TNRC18: variants seen among roughly 807,000 people sequenced by gnomAD.
TNRC18 encodes trinucleotide repeat-containing gene 18 protein.
Under a neutral mutation model 226.7 loss-of-function variants are expected in TNRC18, and 69 were observed. The ratio of observed to expected loss-of-function variants is 0.30; its 90% CI spans 0.25 to 0.37. The LOEUF (loss-of-function observed/expected upper bound fraction) is 0.37, where lower values mean the gene tolerates loss of function less well. Among genes scored for constraint, TNRC18 ranks in the 10% least tolerant of loss-of-function variants. The pLI, the probability that TNRC18 is intolerant of heterozygous loss-of-function variation, is 1.00. For synonymous variants in TNRC18, 2,449 were observed against 1,927.6 expected (o/e 1.27, Z -7.09); for missense variants, 4,754 against 4,256.6 (o/e 1.12, Z -3.25).
At position 5,359,508 on chromosome 7, in the gene TNRC18, T is replaced by G. The variant is rs759694890; in HGVS notation, c.4723A>C (p.Arg1575=). Residue 1575 remains arginine, a synonymous_variant, in exon 15 of 30, where the codon AGA becomes CGA. Coordinates refer to ENST00000430969, the MANE Select transcript of TNRC18 (RefSeq NM_001080495.3). ...DYELGAGIRK[R]HKGSEEEHDA... ...TGTTCCTCCTCAGACCCCTTGTGTC[T>G]CTTTCTTATCCCTGCTCCCAGCTCA... 6.2e-7 allele frequency: 1 copy of G among 1,614,030 alleles called. No individual in the cohort carries two copies. Among genetic ancestry groups the G allele is most frequent in the East Asian group, 2.2e-5 (1 of 44,876 alleles).
At chr7:5,342,279 A>C (rs1389678285) in intron 18 of TNRC18, among the ~76,000 whole-genome samples, 1 of 152,000 alleles carries the variant, frequency 6.6e-6, no homozygotes, top group Non-Finnish European at 1.5e-5. Context: ...AAATACAAAA[A>C]TCTGCCAGGT....
In TNRC18 at chr7:5,357,166, A is replaced by T; in HGVS notation, c.4944T>A (p.Phe1648Leu). 2 of 1,598,078 alleles carry T rather than the reference A, an allele frequency of 1.3e-6. No individual in the cohort carries two copies. The highest frequency in any genetic ancestry group is 1.7e-6 in the Non-Finnish European group (2 of 1,172,186). The change falls in exon 16 of 30, where the codon TTT becomes TTA. Residue 1648 changes from phenylalanine to leucine, a missense_variant. Physicochemically the swap from Phe to Leu is conservative, Grantham distance 22. Transcript: ENST00000430969. ...KQDKLKSPFKFSDSAGGKSKT... is the reference protein window; with the variant it reads ...KQDKLKSPFKLSDSAGGKSKT... ...TCGATTTCCCCCCAGCACTGTCCGA[A>T]AACTTGAAGGGCGACTTCAACTTGT...
At chr7:5,380,966 G>A (rs761512617) in intron 5 of TNRC18, among the ~76,000 whole-genome samples, 11 of 152,154 alleles carry the variant, frequency 7.2e-5, no homozygotes, top group African/African-American at 1.4e-4. Flanking sequence ...GGCTCTCCCC[G>A]TGCCCCCAGA....
In TNRC18 at chr7:5,420,716, C is replaced by G. The variant is rs1222647973; in HGVS notation, c.187+344G>C. The G allele has an allele frequency of 1.5e-5, 8 of 545,252 alleles. No individual in the cohort carries two copies. In the East Asian group the frequency reaches 3.5e-4, roughly 24 times the overall value. The allele number at this position is 545,252 out of a possible 1,614,324, so 33.8% of individuals were successfully genotyped here. On this transcript the variant is annotated intron_variant, in intron 2 of 29. Transcript: ENST00000430969. ...GCGGGTGTCTCGCGGGGTGCGGGGGCCGGTTTGTTCTTTTCTCGCCCAGAT... is the reference window on the plus strand; with the variant it reads ...GCGGGTGTCTCGCGGGGTGCGGGGGGCGGTTTGTTCTTTTCTCGCCCAGAT...
intron 18 of TNRC18, among the ~76,000 whole-genome samples, chr7:5,341,929 G>C (rs1472762048): frequency 6.6e-6 from 1 of 152,110 alleles, no homozygotes; most frequent in Non-Finnish European, 1.5e-5. Context: ...TGTCACCCAA[G>C]AGCTCTGAGG....
At chr7:5,346,468 C>T (rs892258994) in intron 17 of TNRC18, among the ~76,000 whole-genome samples, 2 of 152,098 alleles carry the variant, frequency 1.3e-5, no homozygotes, top group African/African-American at 4.8e-5. Context: ...TGCACTCCAG[C>T]CTGGGTGACA....
Position 5,313,166 on chromosome 7 carries a change from G to GCTGCTGCTGCTGCTGCTGCTA in TNRC18, c.7704_7724dup (p.Ser2571_Ser2577dup). On this transcript the variant is annotated inframe_insertion, in exon 27 of 30. Transcript: ENST00000430969. ...CCCCTTCTGTCTCCGAGCCGCTGCT[G>GCTGCTGCTGCTGCTGCTGCTA]CTGCTGCTGCTGCTGCTGCTACTGC... The GCTGCTGCTGCTGCTGCTGCTA allele has an allele frequency of 6.5e-7, 1 of 1,536,628 alleles. No homozygotes were observed. The highest frequency in any genetic ancestry group is 8.8e-7 in the Non-Finnish European group (1 of 1,140,434).
rs943445708 is a variant in TNRC18 at position 5,402,243 on chromosome 7, T to A, written c.188-7648A>T. 2.3e-4 allele frequency among the ~76,000 whole-genome samples: 30 copies of A among 133,008 alleles called. 1 individual carries two copies. The highest frequency in any genetic ancestry group is 1.5e-4 in the African/African-American group (5 of 34,170). 87.3% of individuals were successfully genotyped at this position (133,008 alleles called of 152,430 possible). A position where few individuals can be genotyped will look rare whatever the true frequency, so the allele number is the denominator to read the frequency against. ...AGAGCAAGACCCCATCCCAAAAAAA[T>A]TTTTTTTAGGCCAGGCACAGTGACT... On this transcript the variant is annotated intron_variant, in intron 2 of 29. Coordinates refer to ENST00000430969, the MANE Select transcript of TNRC18 (RefSeq NM_001080495.3).
In TNRC18 at chr7:5,309,514, C is replaced by T. The variant is rs1392375635; in HGVS notation, c.8389-146G>A. The T allele has an allele frequency of 2.0e-5, 14 of 691,872 alleles. No homozygotes were observed. The highest frequency in any genetic ancestry group is 3.1e-5 in the Non-Finnish European group (13 of 416,828). 42.9% of individuals were successfully genotyped at this position (691,872 alleles called of 1,614,324 possible). ...GTGGGGAGATGAGGAAGCTCCTTGT[C>T]TCGCTTCAAGTGGGGAAGCCCCTCT... On this transcript the variant is annotated intron_variant, in intron 27 of 29. Transcript: ENST00000430969. The surrounding 1 kb of genome is among the most constrained non-coding windows in gnomAD (Gnocchi z 5.7).
chr7:5,404,049 G>C (rs1400981265), intron 2 of TNRC18, among the ~76,000 whole-genome samples: 3 of 152,164 alleles, frequency 2.0e-5, no homozygotes, highest in African/African-American at 7.2e-5. Flanking sequence ...TAACACTCTG[G>C]CTATATAAAG....
At chr7:5,368,134 C>T (rs546501615) in intron 11 of TNRC18, among the ~76,000 whole-genome samples, 167 of 151,996 alleles carry the variant, frequency 1.1e-3, no homozygotes, top group African/African-American at 3.7e-3. Context: ...AGGGCCACCA[C>T]CAGGCAGAAA....
chr7:5,406,437 G>C (rs1781467193), intron 2 of TNRC18, among the ~76,000 whole-genome samples: 1 of 152,080 alleles, frequency 6.6e-6, no homozygotes, highest in Non-Finnish European at 1.5e-5. Flanking sequence ...ACTGCAGCCT[G>C]GGTAATAGAG....
intron 11 of TNRC18, among the ~76,000 whole-genome samples, chr7:5,363,836 A>C (rs747323084): frequency 1.5e-4 from 21 of 139,598 alleles, no homozygotes; most frequent in Non-Finnish European, 2.9e-4. Context: ...AGGATGAAAA[A>C]CACAAACCAA....
chr7:5,355,898 G>A (rs1346915355), intron 16 of TNRC18, among the ~76,000 whole-genome samples: 1 of 152,016 alleles, frequency 6.6e-6, no homozygotes. Context: ...CGGCACAGTA[G>A]CTCACGCCCA....
rs928596260 is a variant in TNRC18 at position 5,320,603 on chromosome 7, G to A, written c.6565C>T (p.Arg2189Cys). The change falls in exon 23 of 30, where the codon CGC becomes TGC. Residue 2189 changes from arginine (R) to cysteine (C), a missense_variant. By Grantham distance (180) the Arg-to-Cys change is radical. Coordinates refer to ENST00000430969, the MANE Select transcript of TNRC18 (RefSeq NM_001080495.3). The part of the protein sequence containing the change: ...VQTVHSPDIY[R>C]VVVEGERGNR... ...CCCCGCTCACCCTCCACCACCACGC[G>A]GTATCTGTAGGAGCAAACGAGGCGT... 1.9e-6 allele frequency: 3 copies of A among 1,611,212 alleles called. No homozygotes were observed. The highest frequency in any genetic ancestry group is 1.3e-5 in the African/African-American group (1 of 74,936).
chr7:5,371,077 G>A lies in TNRC18; in HGVS notation c.3517C>T (p.Pro1173Ser). Residue 1173 changes from proline (P) to serine (S), a missense_variant, in exon 11 of 30, where the codon CCG becomes TCG. Transcript: ENST00000430969. ...AGTGGCAGCGGCGACTCCAGAGGCG[G>A]CAGCTCTGTGGGGCCCTCGTCCATG... ...EDMDEGPTEL[P>S]PLESPLPLPA... 2.5e-6 allele frequency: 4 copies of A among 1,611,626 alleles called. No homozygotes were observed. Among genetic ancestry groups the A allele is most frequent in the Non-Finnish European group, 3.4e-6 (4 of 1,179,674 alleles).
chr7:5,376,155 AG>A lies in TNRC18; in HGVS notation c.2677del (p.Leu893CysfsTer45). The A allele has an allele frequency of 1.3e-6, 2 of 1,583,196 alleles. No homozygotes were observed. The highest frequency in any genetic ancestry group is 1.8e-5 in the Admixed American group (1 of 55,410). ...PALYPPGRSP[L>X]HHAQQLQLFS... ...GAGCTGCAGCTGCTGGGCGTGGTGC[AG>A]GGGGCTGCGGCCCGGCGGGTACAGG... On this transcript the variant is annotated frameshift_variant, in exon 9 of 30. Transcript: ENST00000430969. LOFTEE classifies it high-confidence loss of function.
In TNRC18 at chr7:5,388,915, C is replaced by A; in HGVS notation, c.909G>T (p.Gly303=). ...CCTGCCGGGCAGCCTCCTTGGCACC[C>A]CCGCGCCCCGCTTCGGCCACCAGCG... ...LPALVAEAGR[G]GAKEAARQDE... Residue 303 remains glycine, a synonymous_variant, in exon 5 of 30, where the codon GGG becomes GGT. Coordinates refer to ENST00000430969, the MANE Select transcript of TNRC18 (RefSeq NM_001080495.3). 7.3e-7 allele frequency: 1 copy of A among 1,368,136 alleles called. No homozygotes were observed. Among genetic ancestry groups the A allele is most frequent in the Non-Finnish European group, 9.5e-7 (1 of 1,057,110 alleles). 84.7% of individuals were successfully genotyped at this position (1,368,136 alleles called of 1,614,324 possible). A position where few individuals can be genotyped will look rare whatever the true frequency, so the allele number is the denominator to read the frequency against.
At chr7:5,371,492 T>A in intron 10 of TNRC18, 128 bp from the exon 11 acceptor site, 1 of 1,248,676 alleles carries the variant, frequency 8.0e-7, no homozygotes, top group Non-Finnish European at 1.1e-6. Flanking sequence ...AGCTACAGGG[T>A]GGGAGCTGTT....
Sources: allele counts gnomAD v4.1 joint callset (sites outside exome capture counted in the v4.1 genomes callset), GRCh38; gene constraint gnomAD v4.1.1; non-coding constraint Gnocchi (gnomAD v3.1); transcripts MANE v1.5; gene names NCBI Gene and HGNC (gene_info 2026-07-23, HGNC 2026-07-21).